The following USH2A variants were observed in gnomAD, a reference collection of about 807,000 sequenced individuals.
The protein encoded by USH2A is usherin, also known as Usher syndrome 2A (autosomal recessive, mild).
Under a neutral mutation model 538.9 loss-of-function variants are expected in USH2A, and 443 were observed. The ratio of observed to expected loss-of-function variants is 0.82; its 90% CI spans 0.76 to 0.89. The LOEUF (loss-of-function observed/expected upper bound fraction) is 0.89. Among genes scored for constraint, USH2A ranks in the 40% least tolerant of loss-of-function variants. The pLI is 0.00. For synonymous variants in USH2A, 2,413 were observed against 2,273.5 expected (o/e 1.06, Z -1.75); for missense variants, 6,633 against 6,324.8 (o/e 1.05, Z -1.65).
intron 11 of USH2A, among the ~76,000 whole-genome samples, chr1:216,253,162 T>C (rs1471366200): frequency 1.3e-5 from 2 of 151,840 alleles, no homozygotes; most frequent in African/African-American, 4.8e-5. Flanking sequence ...TTTTTTTTTT[T>C]TTTGAGATGG....
chr1:216,386,121 C>T (rs1181858483), intron 3 of USH2A, among the ~76,000 whole-genome samples: 3 of 152,168 alleles, frequency 2.0e-5, no homozygotes, highest in Admixed American at 6.5e-5. Context: ...CAGTCCTGTA[C>T]ATAGTGTTCT....
At chr1:215,972,273 G>C (rs1667512446) in intron 35 of USH2A, among the ~76,000 whole-genome samples, 1 of 152,120 alleles carries the variant, frequency 6.6e-6, no homozygotes, top group Non-Finnish European at 1.5e-5. Flanking sequence ...TGTCAGCAGG[G>C]GACAAAGCAC....
intron 33 of USH2A, among the ~76,000 whole-genome samples, chr1:215,999,916 T>C (rs1668227374): frequency 6.6e-6 from 1 of 152,076 alleles, no homozygotes; most frequent in African/African-American, 2.4e-5. Context: ...CCTATTAGAT[T>C]TTAGCTCAGC....
intron 34 of USH2A, among the ~76,000 whole-genome samples, chr1:215,994,413 T>C (rs748312576): frequency 2.6e-4 from 40 of 152,286 alleles, no homozygotes; most frequent in Non-Finnish European, 4.7e-4. Flanking sequence ...GGGAGTACAC[T>C]ACTATTTGCA....
rs1051197194 is a variant in USH2A at position 215,876,575 on chromosome 1, C to T, written c.8681+1183G>A. On this transcript the variant is annotated intron_variant, in intron 43 of 71. Coordinates refer to ENST00000307340, the MANE Select transcript of USH2A (RefSeq NM_206933.4). ...AGACAGAGTCACGAAGACCGCACCC[C>T]TGCCTTATGGTAGATCTGATAATAT... Among the ~76,000 whole-genome samples, 4 of 152,284 alleles carry T rather than the reference C, an allele frequency of 2.6e-5. No homozygotes were observed. In the South Asian group the frequency reaches 6.2e-4, roughly 24 times the overall value.
intron 41 of USH2A, among the ~76,000 whole-genome samples, chr1:215,883,208 A>T (rs1664962835): frequency 6.6e-6 from 1 of 152,144 alleles, no homozygotes; most frequent in African/African-American, 2.4e-5. Context: ...CTTTTGCACC[A>T]ACCTAATATA....
Position 215,674,285 on chromosome 1 carries a change from G to A in USH2A, c.13626C>T (p.Ala4542=), listed in dbSNP as rs1390052703. The A allele has an allele frequency of 6.2e-7, 1 of 1,614,104 alleles. No individual in the cohort carries two copies. Among genetic ancestry groups the A allele is most frequent in the South Asian group, 1.1e-5 (1 of 91,068 alleles). The change falls in exon 63 of 72, where the codon GCC becomes GCT. Residue 4542 remains alanine (A), a synonymous_variant. Coordinates refer to ENST00000307340, the MANE Select transcript of USH2A (RefSeq NM_206933.4). ...TCACTAAGATCTCCTGAGGACCCCTGGCCTGCAATTTTGGAGGTTCCATCC... is the reference window on the plus strand; with the variant it reads ...TCACTAAGATCTCCTGAGGACCCCTAGCCTGCAATTTTGGAGGTTCCATCC... ...PSGMEPPKLQ[A]RGPQEILVNW... is the part of the protein sequence containing the mutation.
At chr1:216,229,101 G>C (rs985160186) in intron 14 of USH2A, among the ~76,000 whole-genome samples, 24 of 151,826 alleles carry the variant, frequency 1.6e-4, no homozygotes, top group African/African-American at 5.8e-4. Context: ...TTGAACCTGG[G>C]AGGCAGAGGT....
At chr1:216,126,606 A>G (rs1017187817) in intron 21 of USH2A, among the ~76,000 whole-genome samples, 3 of 152,108 alleles carry the variant, frequency 2.0e-5, no homozygotes, top group Non-Finnish European at 4.4e-5. Context: ...CCCCATTTGT[A>G]TGTAAAAAGC....
At chr1:215,884,135 A>G (rs774229503) in intron 41 of USH2A, among the ~76,000 whole-genome samples, 11 of 152,212 alleles carry the variant, frequency 7.2e-5, no homozygotes, top group Middle Eastern at 3.2e-3. Context: ...CTTAAAACCT[A>G]GATGAGGGTT....
At chr1:215,789,788 C>A (rs1286226435) in intron 51 of USH2A, among the ~76,000 whole-genome samples, 1 of 152,082 alleles carries the variant, frequency 6.6e-6, no homozygotes, top group Admixed American at 6.6e-5. Context: ...TGTGCTGGCT[C>A]TTTCAGTGGC....
chr1:216,404,616 G>A (rs1336780430), intron 3 of USH2A, among the ~76,000 whole-genome samples: 2 of 128,356 alleles, frequency 1.6e-5, no homozygotes, highest in African/African-American at 2.9e-5. Flanking sequence ...GTGAAACATA[G>A]GCTTTTTTTT....
rs1308153068 is a variant in USH2A, at chr1:215,817,096, T to C, written c.9471A>G (p.Gln3157=). The stretch of plus-strand genomic sequence containing the variant: ...CATCACTCTGATCCTGCACTAACTT[T>C]TGAGTTTTAGCGCATGGATACCATG... ...WKTWYPCAKT[Q]KLVQDQSDEL... The change falls in exon 48 of 72, where the codon CAA becomes CAG. Residue 3157 remains glutamine (Q), a synonymous_variant. Transcript: ENST00000307340. 1 of 1,612,768 alleles carries C rather than the reference T, an allele frequency of 6.2e-7. No individual in the cohort carries two copies. The highest frequency in any genetic ancestry group is 8.5e-7 in the Non-Finnish European group (1 of 1,179,134).
intron 11 of USH2A, among the ~76,000 whole-genome samples, chr1:216,272,127 T>C (rs2036587042): frequency 6.6e-6 from 1 of 152,120 alleles, no homozygotes; most frequent in Non-Finnish European, 1.5e-5. Flanking sequence ...GTGAAGCCAT[T>C]TGGGACTGAG....
chr1:215,779,308 T>C (rs1036447534), intron 55 of USH2A, among the ~76,000 whole-genome samples: 1 of 152,212 alleles, frequency 6.6e-6, no homozygotes, highest in Admixed American at 6.5e-5. Context: ...ACTGTACTAA[T>C]AGTATATTAT....
chr1:216,078,031 C>T lies in USH2A; in HGVS notation c.5572+58G>A, dbSNP rs954525572. The T allele has an allele frequency of 1.9e-6, 3 of 1,609,890 alleles. No individual in the cohort carries two copies. The South Asian group carries it at 3.3e-5, about 18-fold the overall frequency. On this transcript the variant is annotated intron_variant, in intron 27 of 71. Coordinates refer to ENST00000307340, the MANE Select transcript of USH2A (RefSeq NM_206933.4). ...GCTATCTCTTGAAACACAGAACCAC[C>T]AAAAACTGTTAGCACCAGGGCTGTA...
chr1:215,741,525 A>T lies in USH2A; in HGVS notation c.11561T>A (p.Val3854Asp). 6.2e-7 allele frequency: 1 copy of T among 1,612,402 alleles called. No individual in the cohort carries two copies. The highest frequency in any genetic ancestry group is 8.5e-7 in the Non-Finnish European group (1 of 1,179,632). The change falls in exon 60 of 72, where the codon GTT becomes GAT. Residue 3854 changes from valine to aspartate, a missense_variant. Val to Asp is a radical substitution (Grantham distance 152). Transcript: ENST00000307340. ...IQACQNGSCGVSSRMFVKTPE... is the reference protein window; with the variant it reads ...IQACQNGSCGDSSRMFVKTPE... ...TGTTTTGACAAACATCCTACTGCTA[A>T]CTCCACAACTTCCTTGAAAAAAAAA... is the stretch of plus-strand genomic sequence containing the variant.
intron 9 of USH2A, among the ~76,000 whole-genome samples, chr1:216,293,889 A>G (rs2037053516): frequency 6.6e-6 from 1 of 152,222 alleles, no homozygotes; most frequent in Non-Finnish European, 1.5e-5. Flanking sequence ...AGCCAGCAGC[A>G]ATGTTTGTTT....
At chr1:215,999,142 G>T in intron 33 of USH2A, 84 bp from the exon 34 acceptor site, 1 of 1,171,422 alleles carries the variant, frequency 8.5e-7, no homozygotes, top group Non-Finnish European at 1.2e-6. Context: ...ATTTGAACTT[G>T]GATTTGTGAC....
Sources: gnomAD v4.1 joint callset for allele counts (sites outside exome capture counted in the v4.1 genomes callset) on GRCh38, gnomAD v4.1.1 for gene constraint, MANE v1.5 for transcripts, NCBI Gene and HGNC (gene_info 2026-07-23, HGNC 2026-07-21) for gene names.